Variants in SH3YL1 observed in about 807,000 individuals in gnomAD.
SH3YL1 encodes the protein SH3 domain-containing YSC84-like protein 1.
SH3YL1 carries 41 observed loss-of-function variants against 45.8 expected under a neutral mutation model. That is an observed-to-expected ratio of 0.89 (90% CI 0.70 to 1.16). The LOEUF is 1.16. Among genes scored for constraint, SH3YL1 ranks in the 50% most tolerant of loss-of-function variants. The probability of loss-of-function intolerance (pLI) is 0.00; values close to 1 mark genes in which losing one functional copy is unlikely to be tolerated. For missense variants in SH3YL1, 389 were observed against 409.6 expected, an observed-to-expected ratio of 0.95 and a Z score of 0.43; for synonymous variants, 152 against 151.4, an observed-to-expected ratio of 1.00 and a Z score of -0.03.
Position 230,048 on chromosome 2 carries a change from G to T in SH3YL1, c.703-4C>A. On this transcript the variant is annotated splice_polypyrimidine_tract_variant and splice_region_variant and intron_variant, in intron 7 of 9. Coordinates refer to ENST00000356150, the MANE Select transcript of SH3YL1 (RefSeq NM_015677.4). The stretch of plus-strand genomic sequence containing the variant: ...GCTTTGGAGGTAATTCTTTAGCCTG[G>T]GAGAAACAAAAAGATAAATACACAT... The T allele has an allele frequency of 6.3e-7, 1 of 1,590,718 alleles. No individual in the cohort carries two copies. Among genetic ancestry groups the T allele is most frequent in the Admixed American group, 1.8e-5 (1 of 55,972 alleles).
At chr2:228,900 C>T (rs1402058799) in intron 8 of SH3YL1, among the ~76,000 whole-genome samples, 1 of 152,132 alleles carries the variant, frequency 6.6e-6, no homozygotes, top group Non-Finnish European at 1.5e-5. Flanking sequence ...ATGCGCTTCC[C>T]GCCTTCTGCA....
rs574592739 is a variant in SH3YL1, at chr2:255,581, G to A, written c.2-2466C>T. Among the ~76,000 whole-genome samples the A allele has an allele frequency of 4.9e-4, 74 of 152,226 alleles. 1 individual carries two copies. Among genetic ancestry groups the A allele is most frequent in the Admixed American group, 2.3e-3 (35 of 15,284 alleles). On this transcript the variant is annotated intron_variant, in intron 1 of 9. Coordinates refer to ENST00000356150, the MANE Select transcript of SH3YL1 (RefSeq NM_015677.4). ...TACTGCACTCCAGCCTGGGCAACAG[G>A]GCAAAGCCCTGCCTCAAAATAAAAT...
At chr2:264,237 G>A (rs1244691513), upstream of SH3YL1, 15 of 468,090 alleles carry the variant, frequency 3.2e-5, no homozygotes, top group Non-Finnish European at 5.1e-5. Flanking sequence ...GAGCCCCGCG[G>A]CGGCTCCAAG....
rs1667996686 is a variant in SH3YL1 at position 230,744 on chromosome 2, A to C, written c.702+279T>G. 4 of 366,042 alleles carry C rather than the reference A, an allele frequency of 1.1e-5. No individual in the cohort carries two copies. The South Asian group carries it at 1.2e-4, about 11-fold the overall frequency. 22.7% of individuals were successfully genotyped at this position (366,042 alleles called of 1,614,324 possible). ...GGCTGGTCTGAAACTCCTGATCTCA[A>C]GTGCTCCACCTGCCTCAGCCTCCCA... On this transcript the variant is annotated intron_variant, in intron 7 of 9. Transcript: ENST00000356150.
upstream of SH3YL1, chr2:264,234 G>A (rs1669742852): frequency 6.3e-6 from 3 of 472,954 alleles, no homozygotes; most frequent in East Asian, 3.7e-5. Context: ...CCAGAGCCCC[G>A]CGGCGGCTCC....
In SH3YL1 at chr2:263,976, G is replaced by C. The variant is rs578043795; in HGVS notation, c.1+8C>G. On this transcript the variant is annotated splice_region_variant and intron_variant, in intron 1 of 9. Coordinates refer to ENST00000356150, the MANE Select transcript of SH3YL1 (RefSeq NM_015677.4). ...TGCTGCCGGACAGGTGGGTCCCCGG[G>C]TACTCACTGCTGCCCGCCCGGCCGC... 2 of 1,492,240 alleles carry C rather than the reference G, an allele frequency of 1.3e-6. 1 individual carries two copies. The highest frequency in any genetic ancestry group is 2.5e-5 in the South Asian group (2 of 78,960). The allele number at this position is 1,492,240 out of a possible 1,614,324, so 92.4% of individuals were successfully genotyped here. A position where few individuals can be genotyped will look rare whatever the true frequency, so the allele number is the denominator to read the frequency against.
intron 5 of SH3YL1, 65 bp downstream of exon 5, chr2:234,095 T>G (rs1668176670): frequency 5.1e-6 from 6 of 1,171,962 alleles, no homozygotes; most frequent in Non-Finnish European, 7.5e-6. Context: ...AAGTTTCCTA[T>G]TAATGCAAAA....
intron 4 of SH3YL1, among the ~76,000 whole-genome samples, chr2:238,830 C>T (rs890531460): frequency 8.5e-5 from 13 of 152,160 alleles, no homozygotes; most frequent in African/African-American, 1.2e-4. Context: ...AAAACTTCCC[C>T]CTCCCCCAAA....
At chr2:228,806 C>CAAAG (rs1340476029) in intron 8 of SH3YL1, among the ~76,000 whole-genome samples, 26 of 152,072 alleles carry the variant, frequency 1.7e-4, no homozygotes, top group Admixed American at 1.7e-3. Flanking sequence ...TTAGACCAGT[C>CAAAG]AAAGGCACAG....
At chr2:261,703 C>T (rs887567457) in intron 1 of SH3YL1, among the ~76,000 whole-genome samples, 2 of 152,154 alleles carry the variant, frequency 1.3e-5, no homozygotes, top group African/African-American at 4.8e-5. Context: ...AAATTGCCAC[C>T]TGAGGTGACA....
chr2:227,120 T>C (rs1667817403), intron 8 of SH3YL1, among the ~76,000 whole-genome samples: 3 of 152,032 alleles, frequency 2.0e-5, no homozygotes, highest in Non-Finnish European at 1.5e-5. Flanking sequence ...GGAGTGTATA[T>C]ATGGTGGGGA....
Position 233,190 on chromosome 2 carries a change from G to A in SH3YL1, c.444C>T (p.Ala148=), listed in dbSNP as rs191742480. Residue 148 remains alanine, a synonymous_variant, in exon 6 of 10, where the codon GCC becomes GCT. Transcript: ENST00000356150. Reference sequence around the variant, plus strand: ...CCCTTGACTTGCAGTACGTGAAGACGGCAGCGGAGCTTCTCAGGGCCACGT... The same window carrying A: ...CCCTTGACTTGCAGTACGTGAAGACAGCAGCGGAGCTTCTCAGGGCCACGT... ...EGNVALRSSA[A]VFTYCKSRGL... 301 of 1,592,542 alleles carry A rather than the reference G, an allele frequency of 1.9e-4. No homozygotes were observed. The African/African-American group carries it at 3.0e-3, about 16-fold the overall frequency.
chr2:249,721 G>A lies in SH3YL1; in HGVS notation c.226+10C>T, dbSNP rs539612221. 9.7e-6 allele frequency: 15 copies of A among 1,538,506 alleles called. No individual in the cohort carries two copies. In the East Asian group the frequency reaches 2.0e-4, roughly 20 times the overall value. On this transcript the variant is annotated intron_variant, in intron 3 of 9. Transcript: ENST00000356150. ...AGACTCTCTACTCCAGTGAACAGACGCCAACTTACTTCCATCTGGAAGGCG... is the reference window on the plus strand; with the variant it reads ...AGACTCTCTACTCCAGTGAACAGACACCAACTTACTTCCATCTGGAAGGCG...
intron 1 of SH3YL1, chr2:259,880 A>T (rs528322908): frequency 6.6e-6 from 1 of 152,020 alleles, no homozygotes; most frequent in African/African-American, 2.4e-5. Context: ...TCAAATATCA[A>T]ATTATAAAAG....
At position 253,077 on chromosome 2, in the gene SH3YL1, T is replaced by C. The variant is rs1386417474; in HGVS notation, c.40A>G (p.Lys14Glu). The change falls in exon 2 of 10, where the codon AAA (lysine) becomes GAA (glutamate). Residue 14 changes from lysine to glutamate, a missense_variant. Lys to Glu is a moderately conservative substitution (Grantham distance 56). Coordinates refer to ENST00000356150, the MANE Select transcript of SH3YL1 (RefSeq NM_015677.4). ...PIPSNLKSEA[K>E]KAAKILREFT... Reference sequence around the variant, plus strand: ...TCTCTTAATATTTTGGCAGCCTTTTTTGCTTCTGATTTCAAATTGGAAGGT... The same window carrying C: ...TCTCTTAATATTTTGGCAGCCTTTTCTGCTTCTGATTTCAAATTGGAAGGT... The C allele has an allele frequency of 6.5e-7, 1 of 1,549,542 alleles. No individual in the cohort carries two copies. The highest frequency in any genetic ancestry group is 1.2e-5 in the South Asian group (1 of 84,006).
rs952651801 is a variant in SH3YL1, at chr2:218,663, T to C, written c.*148A>G. Reference sequence around the variant, plus strand: ...GATATGTCAGTCAGCTCTTTTTATATAGAAAAACAAAATCTTTTACATACG... The same window carrying C: ...GATATGTCAGTCAGCTCTTTTTATACAGAAAAACAAAATCTTTTACATACG... On this transcript the variant is annotated 3_prime_UTR_variant, in exon 10 of 10. Coordinates refer to ENST00000356150, the MANE Select transcript of SH3YL1 (RefSeq NM_015677.4). 14 of 660,610 alleles carry C rather than the reference T, an allele frequency of 2.1e-5. No individual in the cohort carries two copies. Among genetic ancestry groups the C allele is most frequent in the South Asian group, 7.2e-5 (3 of 41,928 alleles). The allele number at this position is 660,610 out of a possible 1,614,324, so 40.9% of individuals were successfully genotyped here.
At chr2:263,680 T>A (rs1669704635) in intron 1 of SH3YL1, 3 of 366,908 alleles carry the variant, frequency 8.2e-6, no homozygotes, top group South Asian at 5.2e-5. Flanking sequence ...GGAAGGATGG[T>A]CGCTGACACC....
intron 9 of SH3YL1, among the ~76,000 whole-genome samples, chr2:223,136 G>A (rs1427081032): frequency 6.6e-6 from 1 of 152,142 alleles, no homozygotes; most frequent in Non-Finnish European, 1.5e-5. Context: ...CAGAAGCAAC[G>A]GAGAAACCAA....
intron 2 of SH3YL1, 47 bp from the exon 3 acceptor site, chr2:249,891 G>T: frequency 7.7e-7 from 1 of 1,298,328 alleles, no homozygotes; most frequent in Non-Finnish European, 1.1e-6. Context: ...TGATCTATGT[G>T]CCTGGATAGA....
Sources: allele counts gnomAD v4.1 joint callset (sites outside exome capture counted in the v4.1 genomes callset), GRCh38; gene constraint gnomAD v4.1.1; transcripts MANE v1.5; gene names NCBI Gene and HGNC (gene_info 2026-07-23, HGNC 2026-07-21).